BACH2: variants seen among roughly 807,000 people sequenced by gnomAD.
The protein encoded by BACH2 is transcription regulator protein BACH2.
In BACH2, 5 loss-of-function variants were observed where a neutral mutation model predicts 61.8. The ratio of observed to expected loss-of-function variants is 0.08; its 90% CI spans 0.04 to 0.17. The LOEUF (loss-of-function observed/expected upper bound fraction) is 0.17, where lower values mean the gene tolerates loss of function less well. Among genes scored for constraint, BACH2 ranks in the 10% least tolerant of loss-of-function variants. The pLI is 1.00. For synonymous variants in BACH2, 446 were observed against 440.1 expected (o/e 1.01, Z -0.17); for missense variants, 824 against 1,091.1 (o/e 0.76, Z 3.45).
chr6:89,978,197 AT>A (rs1293036997), intron 6 of BACH2, among the ~76,000 whole-genome samples: 3 of 152,226 alleles, frequency 2.0e-5, no homozygotes, highest in Non-Finnish European at 4.4e-5. Context: ...AAAGAGACAA[AT>A]TAATCAAACT....
chr6:90,254,264 T>C (rs1481830784), intron 2 of BACH2, among the ~76,000 whole-genome samples: 1 of 151,888 alleles, frequency 6.6e-6, no homozygotes, highest in Non-Finnish European at 1.5e-5. Flanking sequence ...CAGACTCAAT[T>C]AAGTATACAG....
intron 1 of BACH2, among the ~76,000 whole-genome samples, chr6:90,273,563 C>T (rs1771596557): frequency 6.6e-6 from 1 of 152,166 alleles, no homozygotes; most frequent in Admixed American, 6.5e-5. Context: ...TTTGTTATTA[C>T]ACCTTCCATC....
chr6:90,018,627 T>A (rs569043004), intron 5 of BACH2, among the ~76,000 whole-genome samples: 1 of 152,238 alleles, frequency 6.6e-6, no homozygotes, highest in Admixed American at 6.5e-5. Context: ...AAACACTTTA[T>A]AAACAATAAC....
intron 3 of BACH2, among the ~76,000 whole-genome samples, chr6:90,212,515 A>G (rs1160619500): frequency 6.6e-6 from 1 of 152,146 alleles, no homozygotes; most frequent in Non-Finnish European, 1.5e-5. Flanking sequence ...ACACTATAAC[A>G]TGGTTCTGCC....
At chr6:90,085,717 T>C (rs372097836) in intron 5 of BACH2, among the ~76,000 whole-genome samples, 2 of 152,180 alleles carry the variant, frequency 1.3e-5, no homozygotes, top group East Asian at 3.9e-4. Context: ...GTGAGAGACA[T>C]AATGATCTGT....
At position 89,928,778 on chromosome 6, in the gene BACH2, G is replaced by A. The variant is rs1447928306; in HGVS notation, c.*3630C>T. ...TTCAGTTGCAGACACACAGAGTCAG[G>A]TTTTCCACTGCAGCATCATCTCTGA... On this transcript the variant is annotated 3_prime_UTR_variant, in exon 9 of 9. Coordinates refer to ENST00000257749, the MANE Select transcript of BACH2 (RefSeq NM_021813.4). 2 of 152,470 alleles carry A rather than the reference G, an allele frequency of 1.3e-5. No individual in the cohort carries two copies. The highest frequency in any genetic ancestry group is 2.9e-5 in the Non-Finnish European group (2 of 68,000). 9.4% of individuals were successfully genotyped at this position (152,470 alleles called of 1,614,324 possible).
chr6:90,011,844 C>G (rs570611299), intron 5 of BACH2, among the ~76,000 whole-genome samples: 2 of 48,702 alleles, frequency 4.1e-5, no homozygotes, highest in South Asian at 2.0e-3. Flanking sequence ...TCGCTTGAAC[C>G]CAGAAGGCGG....
chr6:90,261,958 C>A (rs1441389526), intron 2 of BACH2, among the ~76,000 whole-genome samples: 1 of 152,134 alleles, frequency 6.6e-6, no homozygotes, highest in African/African-American at 2.4e-5. Flanking sequence ...AGCAGAGTGA[C>A]CCTCTCGCCT....
intron 5 of BACH2, among the ~76,000 whole-genome samples, chr6:90,074,865 C>T (rs1229839367): frequency 6.6e-6 from 1 of 152,258 alleles, no homozygotes; most frequent in East Asian, 1.9e-4. Flanking sequence ...GGAGCTCCCC[C>T]TTTCTCCCTT....
At chr6:90,287,997 T>C (rs757627937) in intron 1 of BACH2, among the ~76,000 whole-genome samples, 1 of 152,320 alleles carries the variant, frequency 6.6e-6, no homozygotes, top group African/African-American at 2.4e-5. Flanking sequence ...GGGAACTGGC[T>C]GCAAACCGTG....
chr6:90,014,420 T>TTGTGTG (rs764203742), intron 5 of BACH2, among the ~76,000 whole-genome samples: 43 of 76,802 alleles, frequency 5.6e-4, no homozygotes, highest in African/African-American at 2.8e-3. Context: ...TGGCATAAAA[T>TTGTGTG]TGTGTGTGTG....
chr6:90,261,877 T>G (rs1771170730), intron 2 of BACH2, among the ~76,000 whole-genome samples: 1 of 152,164 alleles, frequency 6.6e-6, no homozygotes, highest in Non-Finnish European at 1.5e-5. Flanking sequence ...GAGGATTCTA[T>G]TTCTTAACTG....
chr6:90,022,953 T>C (rs1778453958), intron 5 of BACH2, among the ~76,000 whole-genome samples: 1 of 152,194 alleles, frequency 6.6e-6, no homozygotes, highest in Non-Finnish European at 1.5e-5. Context: ...AACTCCCAAC[T>C]GGAAACAACA....
chr6:90,233,844 G>A (rs546998987), intron 3 of BACH2, among the ~76,000 whole-genome samples: 15 of 152,218 alleles, frequency 9.9e-5, no homozygotes, highest in African/African-American at 3.6e-4. Context: ...TGCCAGCCAC[G>A]GCCCTATGGA....
At chr6:90,100,901 C>A (rs1010487693) in intron 4 of BACH2, among the ~76,000 whole-genome samples, 1 of 152,166 alleles carries the variant, frequency 6.6e-6, no homozygotes, top group Non-Finnish European at 1.5e-5. Flanking sequence ...TTCTCCACAT[C>A]CTCACCAACA....
chr6:89,927,997 T>G lies in BACH2; in HGVS notation c.*4411A>C, dbSNP rs753421411. The stretch of plus-strand genomic sequence containing the variant: ...GCCTCGTGCACACAGATTTCCTGTA[T>G]GAATACCAACTCCACACAGGGCATT... On this transcript the variant is annotated 3_prime_UTR_variant, in exon 9 of 9. Coordinates refer to ENST00000257749, the MANE Select transcript of BACH2 (RefSeq NM_021813.4). 2.0e-5 allele frequency: 3 copies of G among 152,358 alleles called. No homozygotes were observed. The highest frequency in any genetic ancestry group is 4.4e-5 in the Non-Finnish European group (3 of 68,040). The allele number at this position is 152,358 out of a possible 1,614,324, so 9.4% of individuals were successfully genotyped here.
chr6:90,146,932 T>G (rs1784638786), intron 4 of BACH2, among the ~76,000 whole-genome samples: 1 of 152,148 alleles, frequency 6.6e-6, no homozygotes, highest in African/African-American at 2.4e-5. Context: ...AATCTTGCAG[T>G]AGCCTCCAGG....
At chr6:90,293,786 T>C (rs1772254548) in intron 1 of BACH2, among the ~76,000 whole-genome samples, 1 of 152,234 alleles carries the variant, frequency 6.6e-6, no homozygotes, top group Non-Finnish European at 1.5e-5. Context: ...TGAACTATAA[T>C]GGATCATTAA....
At chr6:90,100,728 G>GAC (rs367693277) in intron 4 of BACH2, among the ~76,000 whole-genome samples, 16,222 of 141,912 alleles carry the variant, frequency 0.11, 1,684 homozygotes, top group African/African-American at 0.28. Flanking sequence ...CACACACACA[G>GAC]ACACACACAC....
Sources: gnomAD v4.1 joint callset for allele counts (sites outside exome capture counted in the v4.1 genomes callset) on GRCh38, gnomAD v4.1.1 for gene constraint, MANE v1.5 for transcripts, NCBI Gene and HGNC (gene_info 2026-07-23, HGNC 2026-07-21) for gene names.